The following DEUP1 variants were observed in gnomAD, a reference collection of about 807,000 sequenced individuals.
DEUP1 encodes coiled-coil domain containing 67.
Under a neutral mutation model 87.4 loss-of-function variants are expected in DEUP1, and 82 were observed. That is an observed-to-expected ratio of 0.94 (90% CI 0.78 to 1.13). DEUP1 has a LOEUF of 1.13. DEUP1 is among the 50% of genes most tolerant of loss of function. The pLI, the probability that DEUP1 is intolerant of heterozygous loss-of-function variation, is 0.00. For synonymous variants in DEUP1, 214 were observed against 222.7 expected (o/e 0.96, Z 0.35); for missense variants, 663 against 681.5 (o/e 0.97, Z 0.30).
At chr11:93,436,731 A>G (rs1948259065) in intron 13 of DEUP1, among the ~76,000 whole-genome samples, 1 of 152,222 alleles carries the variant, frequency 6.6e-6, no homozygotes, top group East Asian at 1.9e-4. Context: ...TCTTCCTACC[A>G]AAATGAAAAT....
chr11:93,378,958 T>G (rs2134299304), intron 7 of DEUP1, among the ~76,000 whole-genome samples: 1 of 152,158 alleles, frequency 6.6e-6, no homozygotes, highest in Non-Finnish European at 1.5e-5. Context: ...TTCTCTTCTT[T>G]AAGTCTTTTT....
intron 9 of DEUP1, among the ~76,000 whole-genome samples, chr11:93,393,004 TCTC>T (rs1276252676): frequency 7.2e-5 from 9 of 124,832 alleles, no homozygotes; most frequent in East Asian, 2.5e-4. Flanking sequence ...CCTCCTTCTT[TCTC>T]CTCCTCCTCC....
At chr11:93,399,975 T>A (rs1282212498) in intron 11 of DEUP1, among the ~76,000 whole-genome samples, 2 of 152,176 alleles carry the variant, frequency 1.3e-5, no homozygotes, top group East Asian at 1.9e-4. Flanking sequence ...CTTAGTTATA[T>A]CTTTTTCTAT....
chr11:93,369,575 G>A (rs1304076198), intron 5 of DEUP1, among the ~76,000 whole-genome samples: 1 of 152,030 alleles, frequency 6.6e-6, no homozygotes. Context: ...ATTAGAGATG[G>A]TAAAAAATCC....
At chr11:93,335,568 T>C (rs1370296079) in intron 2 of DEUP1, among the ~76,000 whole-genome samples, 1 of 152,182 alleles carries the variant, frequency 6.6e-6, no homozygotes, top group African/African-American at 2.4e-5. Context: ...CATATTTCAG[T>C]GTTCTGTTGC....
intron 12 of DEUP1, among the ~76,000 whole-genome samples, chr11:93,413,356 C>T (rs1424171671): frequency 1.3e-5 from 2 of 152,000 alleles, no homozygotes; most frequent in Middle Eastern, 3.4e-3. Flanking sequence ...ATTCTCCTGC[C>T]TCAGCCTCCT....
chr11:93,428,269 A>G (rs1306709785), intron 13 of DEUP1, among the ~76,000 whole-genome samples: 5 of 152,186 alleles, frequency 3.3e-5, no homozygotes, highest in Non-Finnish European at 5.9e-5. Flanking sequence ...GCAGCCATAA[A>G]AAATGATGAG....
At chr11:93,338,690 C>T (rs930203599) in intron 2 of DEUP1, among the ~76,000 whole-genome samples, 1 of 152,154 alleles carries the variant, frequency 6.6e-6, no homozygotes, top group African/African-American at 2.4e-5. Context: ...CAGGCATGAA[C>T]CACTGCTCCC....
At chr11:93,358,837 C>G (rs767193804) in intron 4 of DEUP1, among the ~76,000 whole-genome samples, 1 of 152,172 alleles carries the variant, frequency 6.6e-6, no homozygotes, top group East Asian at 1.9e-4. Flanking sequence ...CCCACCTCAG[C>G]CTCCCAAAGT....
Position 93,394,516 on chromosome 11 carries a change from A to G in DEUP1, c.1099A>G (p.Arg367Gly). The G allele has an allele frequency of 6.2e-7, 1 of 1,608,100 alleles. No individual in the cohort carries two copies. The change falls in exon 10 of 14, where the codon AGG becomes GGG. Residue 367 changes from arginine to glycine, a missense_variant. Transcript: ENST00000298050. ...CCATAACTCTGAGCAGGAAAGAATG[A>G]GGAATGAAATCTCTGACCTAACAGA... ...EYHNSEQERM[R>G]NEISDLTEEL...
intron 2 of DEUP1, among the ~76,000 whole-genome samples, chr11:93,353,135 AG>A: frequency 6.6e-6 from 1 of 152,300 alleles, no homozygotes; most frequent in South Asian, 2.1e-4. Flanking sequence ...TAGATATAAT[AG>A]GGGTACAGGT....
At chr11:93,366,538 A>G (rs1945426183) in intron 5 of DEUP1, among the ~76,000 whole-genome samples, 1 of 152,142 alleles carries the variant, frequency 6.6e-6, no homozygotes, top group East Asian at 1.9e-4. Context: ...TCTCTATAAA[A>G]ACCCTTATGA....
chr11:93,376,943 G>T (rs1438976174), intron 7 of DEUP1, among the ~76,000 whole-genome samples: 3 of 152,122 alleles, frequency 2.0e-5, no homozygotes, highest in Admixed American at 2.0e-4. Context: ...GTTCCTTTTG[G>T]AGTTGATTTC....
chr11:93,410,234 AAGG>A (rs1947396971), intron 12 of DEUP1, among the ~76,000 whole-genome samples: 1 of 152,134 alleles, frequency 6.6e-6, no homozygotes, highest in African/African-American at 2.4e-5. Context: ...GAAGCGAATG[AAGG>A]AGGACTGACT....
intron 7 of DEUP1, among the ~76,000 whole-genome samples, chr11:93,376,237 C>A (rs1441348780): frequency 1.3e-5 from 2 of 152,204 alleles, no homozygotes; most frequent in Non-Finnish European, 2.9e-5. Context: ...AGCCACTGCA[C>A]CCGGCCTATA....
chr11:93,399,943 A>G (rs1375292044), intron 11 of DEUP1, among the ~76,000 whole-genome samples: 2 of 151,980 alleles, frequency 1.3e-5, no homozygotes, highest in African/African-American at 4.8e-5. Context: ...CCTGTTTCAT[A>G]TATTTGTTCT....
At chr11:93,401,624 A>G (rs1240303128) in intron 11 of DEUP1, among the ~76,000 whole-genome samples, 1 of 152,080 alleles carries the variant, frequency 6.6e-6, no homozygotes, top group Non-Finnish European at 1.5e-5. Flanking sequence ...AGAATAGAGA[A>G]CCCAGATATA....
At chr11:93,370,295 CGA>C in intron 6 of DEUP1, 109 bp downstream of exon 6, 1 of 458,016 alleles carries the variant, frequency 2.2e-6, no homozygotes. Context: ...TAAGAAAAAA[CGA>C]GAGTAGGTCC....
intron 2 of DEUP1, among the ~76,000 whole-genome samples, chr11:93,335,044 A>C (rs1431700556): frequency 6.6e-6 from 1 of 152,200 alleles, no homozygotes. Flanking sequence ...ATTTCTTTAA[A>C]TAATAAAAGC....
Sources: gnomAD v4.1 joint callset for allele counts (sites outside exome capture counted in the v4.1 genomes callset) on GRCh38, gnomAD v4.1.1 for gene constraint, MANE v1.5 for transcripts, NCBI Gene and HGNC (gene_info 2026-07-23, HGNC 2026-07-21) for gene names.